Variants in AGTPBP1 observed in about 807,000 individuals in gnomAD.
The protein encoded by AGTPBP1 is ATP/GTP binding carboxypeptidase 1, also known as cytosolic carboxypeptidase 1.
In AGTPBP1, 70 loss-of-function variants were observed where a neutral mutation model predicts 143.9. The ratio of observed to expected loss-of-function variants is 0.49; its 90% CI spans 0.40 to 0.59. AGTPBP1 has a LOEUF of 0.59. Among genes scored for constraint, AGTPBP1 ranks in the 20% least tolerant of loss-of-function variants. The pLI, the probability that AGTPBP1 is intolerant of heterozygous loss-of-function variation, is 0.00. For synonymous variants in AGTPBP1, 463 were observed against 500.2 expected, an observed-to-expected ratio of 0.93 and a Z score of 0.99; for missense variants, 1,229 against 1,464.5, an observed-to-expected ratio of 0.84 and a Z score of 2.62.
rs577440243 is a variant in AGTPBP1, at chr9:85,584,643, G to A, written c.3165+820C>T. ...CCATTCTTACATGTAATCCTTTGTAGAAGAATCTGAAAAATTTGTAGAAAT... is the reference window on the plus strand; with the variant it reads ...CCATTCTTACATGTAATCCTTTGTAAAAGAATCTGAAAAATTTGTAGAAAT... On this transcript the variant is annotated intron_variant, in intron 23 of 25. Coordinates refer to ENST00000357081, the MANE Select transcript of AGTPBP1 (RefSeq NM_001330701.2). Among the ~76,000 whole-genome samples the A allele has an allele frequency of 1.2e-4, 18 of 150,098 alleles. No individual in the cohort carries two copies. The South Asian group carries it at 1.2e-3, about 10-fold the overall frequency.
At chr9:85,715,511 C>T (rs1261125599) in intron 1 of AGTPBP1, among the ~76,000 whole-genome samples, 6 of 152,128 alleles carry the variant, frequency 3.9e-5, no homozygotes, top group Non-Finnish European at 7.4e-5. Context: ...ATCTCCATGC[C>T]CTACCACTGT....
chr9:85,571,563 G>A (rs1827462747), intron 25 of AGTPBP1, among the ~76,000 whole-genome samples: 1 of 152,096 alleles, frequency 6.6e-6, no homozygotes, highest in African/African-American at 2.4e-5. Flanking sequence ...TTCAAAGTAC[G>A]TGCCCATTAA....
intron 25 of AGTPBP1, among the ~76,000 whole-genome samples, chr9:85,563,896 G>T (rs1037655249): frequency 2.0e-5 from 3 of 152,240 alleles, no homozygotes; most frequent in African/African-American, 7.2e-5. Flanking sequence ...GGAAGGCCCA[G>T]GTGTGGTACA....
chr9:85,713,737 C>A (rs1489430360), intron 1 of AGTPBP1, among the ~76,000 whole-genome samples: 1 of 152,070 alleles, frequency 6.6e-6, no homozygotes, highest in African/African-American at 2.4e-5. Context: ...ACACGACATA[C>A]ATAATTTTTT....
intron 11 of AGTPBP1, 91 bp downstream of exon 11, chr9:85,655,052 T>C (rs1406565275): frequency 8.5e-7 from 1 of 1,179,376 alleles, no homozygotes; most frequent in African/African-American, 1.6e-5. Context: ...GGCCTTCCTT[T>C]GCTGAGGAGT....
intron 9 of AGTPBP1, 143 bp from the exon 10 acceptor site, chr9:85,657,786 T>G (rs1833620533): frequency 1.8e-6 from 1 of 549,890 alleles, no homozygotes; most frequent in Non-Finnish European, 2.9e-6. Flanking sequence ...CACATATTTA[T>G]ATTTTTTCTA....
intron 18 of AGTPBP1, among the ~76,000 whole-genome samples, chr9:85,594,345 A>G (rs1018968428): frequency 1.3e-5 from 2 of 152,200 alleles, no homozygotes; most frequent in African/African-American, 4.8e-5. Context: ...CAGGCCAGGC[A>G]CTTTTGTTCA....
chr9:85,606,022 T>C (rs959888189), intron 17 of AGTPBP1, among the ~76,000 whole-genome samples: 5 of 151,910 alleles, frequency 3.3e-5, no homozygotes, highest in African/African-American at 1.2e-4. Context: ...AACAACAAAA[T>C]GGCAGGAGTA....
Position 85,632,546 on chromosome 9 carries a change from C to T in AGTPBP1, c.2015+116G>A, listed in dbSNP as rs1187946334. On this transcript the variant is annotated intron_variant, in intron 14 of 25. Coordinates refer to ENST00000357081, the MANE Select transcript of AGTPBP1 (RefSeq NM_001330701.2). The stretch of plus-strand genomic sequence containing the variant: ...ATTTCCAAAGCAGAATTTAAAAATA[C>T]AGTAACTTATAACTCACAGTAATTA... 7 of 904,472 alleles carry T rather than the reference C, an allele frequency of 7.7e-6. No individual in the cohort carries two copies. The African/African-American group carries it at 8.5e-5, about 11-fold the overall frequency. 56.0% of individuals were successfully genotyped at this position (904,472 alleles called of 1,614,324 possible).
chr9:85,724,214 G>A (rs573371657), intron 1 of AGTPBP1, among the ~76,000 whole-genome samples: 1 of 150,850 alleles, frequency 6.6e-6, no homozygotes, highest in Non-Finnish European at 1.5e-5. Flanking sequence ...TTGAACCTGG[G>A]AGGCAGGGGT....
chr9:85,717,591 C>A (rs1837791519), intron 1 of AGTPBP1, among the ~76,000 whole-genome samples: 1 of 152,070 alleles, frequency 6.6e-6, no homozygotes, highest in African/African-American at 2.4e-5. Context: ...GAAAAGCTAA[C>A]CCCCAAGTGA....
the AGTPBP1 span, among the ~76,000 whole-genome samples, chr9:85,769,952 C>A: frequency 6.6e-6 from 1 of 152,160 alleles, no homozygotes; most frequent in South Asian, 2.1e-4. Flanking sequence ...ATTAGATGAT[C>A]AGCATTTGTT....
intron 13 of AGTPBP1, 62 bp downstream of exon 13, chr9:85,642,764 TA>T: frequency 7.7e-7 from 1 of 1,293,342 alleles, no homozygotes. Context: ...ATTATCGACC[TA>T]AGGGAAAAAA....
chr9:85,639,697 A>G (rs966506695), intron 13 of AGTPBP1, among the ~76,000 whole-genome samples: 2 of 152,218 alleles, frequency 1.3e-5, no homozygotes, highest in East Asian at 3.8e-4. Flanking sequence ...AAATATAACA[A>G]AAGTCCATAG....
At chr9:85,739,886 GCC>G (rs1459651527) in intron 1 of AGTPBP1, among the ~76,000 whole-genome samples, 5 of 148,672 alleles carry the variant, frequency 3.4e-5, no homozygotes, top group Admixed American at 6.7e-5. Flanking sequence ...GGTGACGCGC[GCC>G]TATAATCAAG....
the AGTPBP1 span, among the ~76,000 whole-genome samples, chr9:85,791,151 A>T: frequency 6.6e-6 from 1 of 152,026 alleles, no homozygotes. Context: ...AGGCTGAGGC[A>T]GGTGGATCAC....
chr9:85,746,002 T>C (rs551372209), upstream of AGTPBP1, among the ~76,000 whole-genome samples: 12 of 152,288 alleles, frequency 7.9e-5, no homozygotes, highest in South Asian at 2.5e-3. Flanking sequence ...GCAGCTCCAC[T>C]TCCCTTCTCT....
chr9:85,728,832 T>C (rs1352664187), intron 1 of AGTPBP1, among the ~76,000 whole-genome samples: 1 of 152,214 alleles, frequency 6.6e-6, no homozygotes, highest in Non-Finnish European at 1.5e-5. Flanking sequence ...ACTTGGACTA[T>C]ATTTTTATTA....
At chr9:85,653,807 C>T (rs1413749713) in intron 11 of AGTPBP1, among the ~76,000 whole-genome samples, 1 of 152,208 alleles carries the variant, frequency 6.6e-6, no homozygotes, top group Non-Finnish European at 1.5e-5. Context: ...TTCCATGCCC[C>T]TCTTACCCAG....
Sources: allele counts gnomAD v4.1 joint callset (sites outside exome capture counted in the v4.1 genomes callset), GRCh38; gene constraint gnomAD v4.1.1; transcripts MANE v1.5; gene names NCBI Gene and HGNC (gene_info 2026-07-23, HGNC 2026-07-21).